ADGRL2: variants seen among roughly 807,000 people sequenced by gnomAD.
ADGRL2 encodes the protein calcium-independent alpha-latrotoxin receptor 2.
Under a neutral mutation model 157.4 loss-of-function variants are expected in ADGRL2, and 44 were observed. That is an observed-to-expected ratio of 0.28 (90% CI 0.22 to 0.36). The LOEUF is 0.36. ADGRL2 is among the 10% of genes least tolerant of loss of function. The probability of loss-of-function intolerance (pLI) is 1.00; values close to 1 mark genes in which losing one functional copy is unlikely to be tolerated. For missense variants in ADGRL2, 1,510 were observed against 1,768.9 expected (o/e 0.85, Z 2.63); for synonymous variants, 585 against 624.7 (o/e 0.94, Z 0.95).
chr1:81,747,037 T>C (rs1449987452), intron 1 of ADGRL2, among the ~76,000 whole-genome samples: 2 of 145,724 alleles, frequency 1.4e-5, no homozygotes, highest in Non-Finnish European at 3.0e-5. Flanking sequence ...TATATACGTA[T>C]ATATATGTAT....
chr1:81,966,044 T>C lies in ADGRL2; in HGVS notation c.2018-14T>C. On this transcript the variant is annotated splice_polypyrimidine_tract_variant and intron_variant, in intron 11 of 23. Coordinates refer to ENST00000686636, the MANE Select transcript of ADGRL2 (RefSeq NM_001366006.2). ...CCTTTTTTCCCCACCTCCTTTATCTTTTCCCTCATCCAGTCCTGGAAGTTG... is the reference window on the plus strand; with the variant it reads ...CCTTTTTTCCCCACCTCCTTTATCTCTTCCCTCATCCAGTCCTGGAAGTTG... The C allele has an allele frequency of 1.2e-6, 2 of 1,613,168 alleles. No homozygotes were observed. Among genetic ancestry groups the C allele is most frequent in the Non-Finnish European group, 1.7e-6 (2 of 1,179,440 alleles).
intron 1 of ADGRL2, among the ~76,000 whole-genome samples, chr1:81,712,755 A>ATTTTTTTTT (rs60265943): frequency 1.0e-5 from 1 of 100,250 alleles, no homozygotes; most frequent in Non-Finnish European, 1.9e-5. Context: ...TGGATCGCGG[A>ATTTTTTTTT]TTTTTTTTTT....
chr1:81,948,832 G>C (rs1026473742), intron 6 of ADGRL2, among the ~76,000 whole-genome samples: 1 of 152,100 alleles, frequency 6.6e-6, no homozygotes, highest in African/African-American at 2.4e-5. Flanking sequence ...TTGAGGTAGA[G>C]GGGGGGAAAG....
At position 81,604,671 on chromosome 1, in the gene ADGRL2, G is replaced by A. The variant is rs190834883; in HGVS notation, c.-143+23691G>A. On this transcript the variant is annotated intron_variant, in intron 3 of 24. Coordinates refer to the ADGRL2 transcript ENST00000370721. ...TCAAGAGAGCTGGCCACCCTACCAA[G>A]GGTATCCTTTTTGAGAGTCCAGGTA... Among the ~76,000 whole-genome samples the A allele has an allele frequency of 2.6e-5, 4 of 152,212 alleles. No individual in the cohort carries two copies. The East Asian group carries it at 5.8e-4, about 22-fold the overall frequency.
chr1:81,964,681 A>T (rs3790884), intron 11 of ADGRL2, among the ~76,000 whole-genome samples: 5,264 of 152,196 alleles, frequency 0.035, 124 homozygotes, highest in South Asian at 0.12. Context: ...GTATGAGATG[A>T]TTTTTGTAAA....
intron 1 of ADGRL2, among the ~76,000 whole-genome samples, chr1:81,753,120 T>C (rs2085542679): frequency 6.6e-6 from 1 of 152,204 alleles, no homozygotes; most frequent in Non-Finnish European, 1.5e-5. Context: ...TCTAGGTGTG[T>C]GTATTTGTCC....
intron 1 of ADGRL2, among the ~76,000 whole-genome samples, chr1:81,336,691 T>A (rs1208577388): frequency 6.6e-6 from 1 of 152,082 alleles, no homozygotes; most frequent in East Asian, 1.9e-4. Flanking sequence ...TGGAAAGAGT[T>A]CATAAACTTT....
chr1:81,409,350 A>T (rs1288037657), intron 1 of ADGRL2, among the ~76,000 whole-genome samples: 1 of 152,240 alleles, frequency 6.6e-6, no homozygotes, highest in African/African-American at 2.4e-5. Context: ...ATGGTTTTAA[A>T]CAGTTCACTG....
At chr1:81,644,912 T>C (rs1477958895) in intron 3 of ADGRL2, among the ~76,000 whole-genome samples, 3 of 152,218 alleles carry the variant, frequency 2.0e-5, no homozygotes, top group Non-Finnish European at 4.4e-5. Context: ...CTTAGACCCC[T>C]TGTAGCTCTC....
At chr1:81,918,477 A>G (rs1055898405) in intron 3 of ADGRL2, among the ~76,000 whole-genome samples, 1 of 152,160 alleles carries the variant, frequency 6.6e-6, no homozygotes, top group East Asian at 1.9e-4. Flanking sequence ...TTGGTGGAGT[A>G]TGTAGAGTAC....
intron 1 of ADGRL2, among the ~76,000 whole-genome samples, chr1:81,829,669 A>G (rs1434293636): frequency 6.6e-6 from 1 of 152,222 alleles, no homozygotes; most frequent in Non-Finnish European, 1.5e-5. Flanking sequence ...ATGAATTAGA[A>G]TAATTGCCGA....
chr1:81,611,935 C>G (rs1460077997), intron 3 of ADGRL2, among the ~76,000 whole-genome samples: 2 of 152,206 alleles, frequency 1.3e-5, no homozygotes, highest in East Asian at 3.9e-4. Flanking sequence ...TGCAGTTTCC[C>G]CCATGCTCTC....
At chr1:81,350,938 T>A (rs529893215) in intron 1 of ADGRL2, among the ~76,000 whole-genome samples, 1 of 152,338 alleles carries the variant, frequency 6.6e-6, no homozygotes, top group South Asian at 2.1e-4. Flanking sequence ...AAATAGGCAG[T>A]GCTCATATGT....
intron 1 of ADGRL2, among the ~76,000 whole-genome samples, chr1:81,825,600 C>T (rs776484043): frequency 1.1e-4 from 16 of 149,372 alleles, no homozygotes; most frequent in Non-Finnish European, 2.1e-4. Flanking sequence ...CCATCTTGGC[C>T]TCCCAAAGTG....
intron 1 of ADGRL2, among the ~76,000 whole-genome samples, chr1:81,713,233 C>A (rs762298552): frequency 5.3e-5 from 8 of 152,100 alleles, no homozygotes; most frequent in Non-Finnish European, 1.2e-4. Flanking sequence ...ATTGAGGGAA[C>A]TTTTGAGATA....
At chr1:81,374,076 T>TAC (rs10645046) in intron 1 of ADGRL2, among the ~76,000 whole-genome samples, 78,483 of 150,432 alleles carry the variant, frequency 0.52, 22,427 homozygotes, top group East Asian at 0.72. Context: ...TAAATACACA[T>TAC]ACACACACAC....
At chr1:81,869,965 A>G (rs930677112) in intron 2 of ADGRL2, among the ~76,000 whole-genome samples, 2 of 152,064 alleles carry the variant, frequency 1.3e-5, no homozygotes, top group Non-Finnish European at 1.5e-5. Flanking sequence ...CAGTAGTGCT[A>G]TATATCATGT....
chr1:81,624,476 G>A (rs961649066), intron 3 of ADGRL2, among the ~76,000 whole-genome samples: 7 of 151,994 alleles, frequency 4.6e-5, no homozygotes, highest in African/African-American at 9.7e-5. Context: ...AGCTACCCTC[G>A]GAGGCTGAGG....
At chr1:81,351,239 T>C (rs973942114) in intron 1 of ADGRL2, among the ~76,000 whole-genome samples, 2 of 151,968 alleles carry the variant, frequency 1.3e-5, no homozygotes, top group African/African-American at 4.8e-5. Flanking sequence ...TTGTTCCTTT[T>C]TTTTTTTTAA....
Sources: allele counts gnomAD v4.1 joint callset (sites outside exome capture counted in the v4.1 genomes callset), GRCh38; gene constraint gnomAD v4.1.1; transcripts MANE v1.5; gene names NCBI Gene and HGNC (gene_info 2026-07-23, HGNC 2026-07-21).